Variants in LRRC49 observed in about 807,000 individuals in gnomAD.
LRRC49 encodes leucine-rich repeat-containing protein 49.
LRRC49 carries 50 observed loss-of-function variants against 83.3 expected under a neutral mutation model. The ratio of observed to expected loss-of-function variants is 0.60; its 90% CI spans 0.48 to 0.76. The LOEUF (loss-of-function observed/expected upper bound fraction) is 0.76, where lower values mean the gene tolerates loss of function less well. Among genes scored for constraint, LRRC49 ranks in the 30% least tolerant of loss-of-function variants. The pLI, the probability that LRRC49 is intolerant of heterozygous loss-of-function variation, is 0.00. For missense variants in LRRC49, 704 were observed against 809.1 expected (o/e 0.87, Z 1.58); for synonymous variants, 286 against 283.3 (o/e 1.01, Z -0.10).
In LRRC49 at chr15:70,855,765, T is replaced by C. The variant is rs746983404; in HGVS notation, c.-299+2296T>C. Among the ~76,000 whole-genome samples, 13 of 152,204 alleles carry C rather than the reference T, an allele frequency of 8.5e-5. 1 individual carries two copies. The highest frequency in any genetic ancestry group is 2.2e-4 in the African/African-American group (9 of 41,454). On this transcript the variant is annotated intron_variant, in intron 1 of 16. Transcript: ENST00000544974. Reference sequence around the variant, plus strand: ...GAAGAGAGAGAGACCTTTGGTGCTATTGCTGTTTCTGCACCAGAACAGCTC... The same window carrying C: ...GAAGAGAGAGAGACCTTTGGTGCTACTGCTGTTTCTGCACCAGAACAGCTC...
intron 11 of LRRC49, among the ~76,000 whole-genome samples, chr15:70,988,765 T>C (rs1480087845): frequency 2.0e-5 from 3 of 152,346 alleles, no homozygotes; most frequent in East Asian, 1.9e-4. Context: ...GATTTTGCAG[T>C]GGCTGGTACC....
chr15:71,025,097 G>A (rs1447695083), intron 14 of LRRC49, among the ~76,000 whole-genome samples: 1 of 152,182 alleles, frequency 6.6e-6, no homozygotes, highest in East Asian at 1.9e-4. Context: ...GAGACAGGGA[G>A]AATGGAACCA....
chr15:70,958,009 C>A (rs141046336), intron 8 of LRRC49, among the ~76,000 whole-genome samples: 202 of 151,866 alleles, frequency 1.3e-3, no homozygotes, highest in Non-Finnish European at 2.4e-3. Context: ...GAGTATGTAC[C>A]CTTGTAACCA....
chr15:71,008,759 G>C (rs1362090020), intron 12 of LRRC49, 143 bp downstream of exon 12: 1 of 595,098 alleles, frequency 1.7e-6, no homozygotes. Context: ...TCTTGAGCTA[G>C]GATTTAAATT....
chr15:70,893,497 TG>T, intron 1 of LRRC49, 86 bp from the exon 2 acceptor site: 1 of 775,816 alleles, frequency 1.3e-6, no homozygotes, highest in Non-Finnish European at 2.2e-6. Context: ...ATTTTTTTGT[TG>T]TATTTCTGTT....
chr15:70,945,438 CTCTGCCA>C (rs1282030873), intron 8 of LRRC49, among the ~76,000 whole-genome samples: 1 of 151,952 alleles, frequency 6.6e-6, no homozygotes, highest in Non-Finnish European at 1.5e-5. Flanking sequence ...TGTATATCAT[CTCTGCCA>C]TTTACCTGTC....
intron 14 of LRRC49, among the ~76,000 whole-genome samples, chr15:71,031,004 G>A (rs539167841): frequency 1.3e-5 from 2 of 152,138 alleles, no homozygotes; most frequent in African/African-American, 4.8e-5. Context: ...GCCTACTTCT[G>A]TCAAATTGTC....
At chr15:70,940,795 T>C (rs1406277760) in intron 8 of LRRC49, among the ~76,000 whole-genome samples, 4 of 152,214 alleles carry the variant, frequency 2.6e-5, no homozygotes, top group African/African-American at 4.8e-5. Context: ...TGACAGATCT[T>C]TTCTGACCAT....
upstream of LRRC49, among the ~76,000 whole-genome samples, chr15:70,889,381 C>G (rs954777225): frequency 2.0e-5 from 3 of 151,886 alleles, no homozygotes; most frequent in Non-Finnish European, 4.4e-5. Flanking sequence ...AAAAAGCAAA[C>G]TTGGTTACCT....
At chr15:70,905,952 G>A (rs1387807719) in intron 5 of LRRC49, among the ~76,000 whole-genome samples, 1 of 152,084 alleles carries the variant, frequency 6.6e-6, no homozygotes, top group Non-Finnish European at 1.5e-5. Flanking sequence ...TGGCCTCGGG[G>A]AGAAAGGTGA....
Position 70,913,299 on chromosome 15 carries a change from T to C in LRRC49, c.567+1701T>C, listed in dbSNP as rs888253579. The stretch of plus-strand genomic sequence containing the variant: ...TCCAGTAGTTTTGGTGAAAAGCTAA[T>C]GTAATTAATAAAAACCTTGATAGAT... On this transcript the variant is annotated intron_variant, in intron 6 of 15. Transcript: ENST00000260382. Among the ~76,000 whole-genome samples the C allele has an allele frequency of 1.2e-4, 19 of 152,276 alleles. 4 individuals carry two copies. The highest frequency in any genetic ancestry group is 9.8e-4 in the Admixed American group (15 of 15,302).
At chr15:70,860,521 T>C (rs1304507359) in intron 1 of LRRC49, among the ~76,000 whole-genome samples, 1 of 152,178 alleles carries the variant, frequency 6.6e-6, no homozygotes, top group Non-Finnish European at 1.5e-5. Flanking sequence ...CTCAAGCTAT[T>C]TTCCTGCCTC....
At chr15:70,966,576 G>T (rs1358659825) in intron 9 of LRRC49, among the ~76,000 whole-genome samples, 1 of 152,058 alleles carries the variant, frequency 6.6e-6, no homozygotes. Flanking sequence ...CCATTGATAA[G>T]TAGTTGTGGT....
At chr15:70,995,319 G>C (rs2038038091) in intron 11 of LRRC49, among the ~76,000 whole-genome samples, 1 of 152,170 alleles carries the variant, frequency 6.6e-6, no homozygotes, top group Non-Finnish European at 1.5e-5. Context: ...TAATGAGCTG[G>C]AATAGTGGGA....
intron 11 of LRRC49, among the ~76,000 whole-genome samples, chr15:71,007,209 G>A (rs769064547): frequency 2.6e-5 from 4 of 151,870 alleles, no homozygotes; most frequent in Non-Finnish European, 4.4e-5. Context: ...CGCTTTCTTA[G>A]TTTTATCCCT....
intron 8 of LRRC49, among the ~76,000 whole-genome samples, chr15:70,957,832 C>T (rs1178264151): frequency 6.6e-6 from 1 of 152,052 alleles, no homozygotes; most frequent in Admixed American, 6.5e-5. Context: ...CATTGGCCAC[C>T]AACATAACAG....
rs186767722 is a variant in LRRC49, at chr15:70,990,246, A to C, written c.1169+5989A>C. Among the ~76,000 whole-genome samples the C allele has an allele frequency of 3.0e-4, 45 of 152,316 alleles. 1 individual carries two copies. The highest frequency in any genetic ancestry group is 1.0e-3 in the African/African-American group (43 of 41,576). ...TGCCCTGCCCCCAGAGGTGGAGCCTACAGAGGCAGGCAGGCCTCCTTGAGC... is the reference window on the plus strand; with the variant it reads ...TGCCCTGCCCCCAGAGGTGGAGCCTCCAGAGGCAGGCAGGCCTCCTTGAGC... On this transcript the variant is annotated intron_variant, in intron 11 of 15. Transcript: ENST00000260382.
chr15:70,931,294 C>T (rs1292649199), intron 7 of LRRC49, among the ~76,000 whole-genome samples: 2 of 152,270 alleles, frequency 1.3e-5, no homozygotes, highest in East Asian at 3.9e-4. Context: ...GTGAGTGGAG[C>T]AGTCAGAACA....
At chr15:70,912,681 A>G (rs2034597637) in intron 6 of LRRC49, among the ~76,000 whole-genome samples, 1 of 151,090 alleles carries the variant, frequency 6.6e-6, no homozygotes, top group Non-Finnish European at 1.5e-5. Flanking sequence ...TTATTTATTT[A>G]TTTATTTATT....
Sources: allele counts gnomAD v4.1 joint callset (sites outside exome capture counted in the v4.1 genomes callset), GRCh38; gene constraint gnomAD v4.1.1; transcripts MANE v1.5; gene names NCBI Gene and HGNC (gene_info 2026-07-23, HGNC 2026-07-21).